The following FAM89B variants were observed in gnomAD, a reference collection of about 807,000 sequenced individuals.
The protein encoded by FAM89B is family with sequence similarity 89 member B.
FAM89B carries 9 observed loss-of-function variants against 13.4 expected under a neutral mutation model. That is an observed-to-expected ratio of 0.67 (90% CI 0.40 to 1.17). The LOEUF is 1.17. Ranked by LOEUF, FAM89B falls within the 50% of genes most tolerant of loss-of-function variation. The pLI is 0.01. For synonymous variants in FAM89B, 138 were observed against 121.2 expected, an observed-to-expected ratio of 1.14 and a Z score of -0.91; for missense variants, 256 against 256.1, an observed-to-expected ratio of 1.00 and a Z score of 0.00.
rs1251847005 is a variant in FAM89B, at chr11:65,573,700, CA to C, written c.*61del. 1 of 1,527,118 alleles carries C rather than the reference CA, an allele frequency of 6.5e-7. No homozygotes were observed. The highest frequency in any genetic ancestry group is 1.4e-5 in the African/African-American group (1 of 73,096). 94.6% of individuals were successfully genotyped at this position (1,527,118 alleles called of 1,614,324 possible). ...AAAGGCTCAGAAACTCCCCCTCCGG[CA>C]AGCCCTCAGACTTCGGAGCCTGCGC... On this transcript the variant is annotated 3_prime_UTR_variant, in exon 2 of 2. Transcript: ENST00000530349.
Position 65,572,598 on chromosome 11 carries a change from GC to G in FAM89B, c.-70del, listed in dbSNP as rs2089968011. On this transcript the variant is annotated 5_prime_UTR_variant, in exon 1 of 2. Coordinates refer to ENST00000530349, the MANE Select transcript of FAM89B (RefSeq NM_001098785.2). ...CTCCGGCGGGGCCGCGGGGTGCGGGGCCTGCGGGCGGCGGCCCGGGCGGAGC... is the reference window on the plus strand; with the variant it reads ...CTCCGGCGGGGCCGCGGGGTGCGGGGCTGCGGGCGGCGGCCCGGGCGGAGC... The G allele has an allele frequency of 2.4e-6, 3 of 1,229,926 alleles. No individual in the cohort carries two copies. The highest frequency in any genetic ancestry group is 3.0e-6 in the Non-Finnish European group (3 of 990,594). The allele number at this position is 1,229,926 out of a possible 1,614,324, so 76.2% of individuals were successfully genotyped here.
In FAM89B at chr11:65,573,624, T is replaced by C; in HGVS notation, c.553T>C (p.Phe185Leu). 6.2e-7 allele frequency: 1 copy of C among 1,607,680 alleles called. No homozygotes were observed. The highest frequency in any genetic ancestry group is 8.5e-7 in the Non-Finnish European group (1 of 1,179,060). The change falls in exon 2 of 2, where the codon TTC becomes CTC. Residue 185 changes from phenylalanine (F) to leucine (L), a missense_variant. By Grantham distance (22) the Phe-to-Leu change is conservative. Coordinates refer to ENST00000530349, the MANE Select transcript of FAM89B (RefSeq NM_001098785.2). ...CCGTGACCAGTGGCTGCAGGATGCC[T>C]TCCACATCAGCCTCTGAAGGGCTGG... ...NARDQWLQDAFHISL is the reference protein window; with the variant it reads ...NARDQWLQDALHISL
rs1857175721 is a variant in FAM89B at position 65,573,813 on chromosome 11, T to C, written c.*172T>C. ...GCCAAACTCTTTCTCCTGTCTTGGG[T>C]TGGCTGGCACTGGGGCGGGCATCTA... On this transcript the variant is annotated 3_prime_UTR_variant, in exon 2 of 2. Transcript: ENST00000530349. 1.2e-6 allele frequency: 1 copy of C among 823,854 alleles called. No individual in the cohort carries two copies. Among genetic ancestry groups the C allele is most frequent in the South Asian group, 1.9e-5 (1 of 53,790 alleles). 51.0% of individuals were successfully genotyped at this position (823,854 alleles called of 1,614,324 possible).
At chr11:65,573,269 CG>C in intron 1 of FAM89B, 93 bp from the exon 2 acceptor site, 1 of 1,348,734 alleles carries the variant, frequency 7.4e-7, no homozygotes, top group South Asian at 1.6e-5. Context: ...TAGGAAGGTG[CG>C]GGGAAGATGG....
Position 65,573,566 on chromosome 11 carries a change from G to C in FAM89B, c.495G>C (p.Pro165=), listed in dbSNP as rs762286288. The C allele has an allele frequency of 6.2e-7, 1 of 1,613,460 alleles. No individual in the cohort carries two copies. Among genetic ancestry groups the C allele is most frequent in the Non-Finnish European group, 8.5e-7 (1 of 1,179,960 alleles). ...EPPDASLPPD[P]PPLTVPQTHN... is the part of the protein sequence containing the mutation. Reference sequence around the variant, plus strand: ...CCGATGCCAGCCTGCCTCCTGACCCGCCACCCCTTACTGTGCCCCAGACGC... The same window carrying C: ...CCGATGCCAGCCTGCCTCCTGACCCCCCACCCCTTACTGTGCCCCAGACGC... The change falls in exon 2 of 2, where the codon CCG becomes CCC. Residue 165 remains proline, a synonymous_variant. Coordinates refer to ENST00000530349, the MANE Select transcript of FAM89B (RefSeq NM_001098785.2).
Sources: gnomAD v4.1 joint callset for allele counts on GRCh38, gnomAD v4.1.1 for gene constraint, MANE v1.5 for transcripts, NCBI Gene and HGNC (gene_info 2026-07-23, HGNC 2026-07-21) for gene names.